Variants in OSBPL3 observed in about 807,000 individuals in gnomAD.
OSBPL3 encodes the protein oxysterol binding protein like 3.
A neutral mutation model predicts 120.1 loss-of-function variants in OSBPL3; 65 were observed. The ratio of observed to expected loss-of-function variants is 0.54; its 90% confidence interval spans 0.44 to 0.67. The LOEUF is 0.67. Ranked by LOEUF, OSBPL3 falls within the 30% of genes least tolerant of loss-of-function variation. OSBPL3 has a pLI of 0.00. For synonymous variants in OSBPL3, 416 were observed against 402.6 expected, an observed-to-expected ratio of 1.03 and a Z score of -0.40; for missense variants, 1,004 against 1,082.1, an observed-to-expected ratio of 0.93 and a Z score of 1.01.
Position 24,879,809 on chromosome 7 carries a change from C to T in OSBPL3, c.97-7740G>A, listed in dbSNP as rs2128305777. ...TAAAAACACTTCAATGTACATATGA[C>T]TATTTCCACGCTGTTGATCACTCAC... On this transcript the variant is annotated intron_variant, in intron 2 of 22. Transcript: ENST00000313367. The surrounding 1 kb of genome is among the most constrained non-coding windows in gnomAD (Gnocchi z 5.6). 6.6e-6 allele frequency among the ~76,000 whole-genome samples: 1 copy of T among 152,338 alleles called. No individual in the cohort carries two copies. Among genetic ancestry groups the T allele is most frequent in the Admixed American group, 6.5e-5 (1 of 15,304 alleles).
chr7:24,857,814 C>A (rs1201754274), intron 10 of OSBPL3, among the ~76,000 whole-genome samples: 1 of 152,150 alleles, frequency 6.6e-6, no homozygotes, highest in Non-Finnish European at 1.5e-5. Flanking sequence ...TTTTTTGCTG[C>A]AGGACTTCTC....
rs1802307547 is a variant in OSBPL3 at position 24,872,503 on chromosome 7, A to C, written c.97-434T>G. Reference sequence around the variant, plus strand: ...TGTGTGTGTGGTGTTGGGGGAAGGAAGTTGGTTTAAGAATTGGCTGAACAG... The same window carrying C: ...TGTGTGTGTGGTGTTGGGGGAAGGACGTTGGTTTAAGAATTGGCTGAACAG... On this transcript the variant is annotated intron_variant, in intron 2 of 22. Transcript: ENST00000313367. This position sits in a 1 kb window ranked among gnomAD's most constrained non-coding sequence, Gnocchi z 4.1. Among the ~76,000 whole-genome samples, 1 of 141,838 alleles carries C rather than the reference A, an allele frequency of 7.1e-6. No homozygotes were observed. Among genetic ancestry groups the C allele is most frequent in the South Asian group, 2.2e-4 (1 of 4,516 alleles). The allele number at this position is 141,838 out of a possible 152,430, so 93.1% of individuals were successfully genotyped here.
intron 22 of OSBPL3, among the ~76,000 whole-genome samples, chr7:24,800,921 C>T (rs1792242777): frequency 6.7e-6 from 1 of 150,150 alleles, no homozygotes; most frequent in South Asian, 2.1e-4. Context: ...CCAGGTTGTA[C>T]ATAGGAAGTG....
chr7:24,942,757 TCA>T, intron 1 of OSBPL3, among the ~76,000 whole-genome samples: 1 of 152,308 alleles, frequency 6.6e-6, no homozygotes, highest in South Asian at 2.1e-4. Flanking sequence ...GAGCAGCACC[TCA>T]CAGTCAAAAA....
Position 24,972,663 on chromosome 7 carries a change from G to C in OSBPL3, c.-150+7223C>G, listed in dbSNP as rs1423419774. Among the ~76,000 whole-genome samples, 3 of 151,894 alleles carry C rather than the reference G, an allele frequency of 2.0e-5. No homozygotes were observed. In the East Asian group the frequency reaches 5.8e-4, roughly 29 times the overall value. The stretch of plus-strand genomic sequence containing the variant: ...ATCTTAGCGCATGCTTTAATTCTAG[G>C]GAGGCATCTACTTCAAATTTAATAA... On this transcript the variant is annotated intron_variant, in intron 1 of 22. Transcript: ENST00000313367. The surrounding 1 kb of genome is among the most constrained non-coding windows in gnomAD (Gnocchi z 4.3).
At chr7:24,948,874 C>T (rs112921647) in intron 1 of OSBPL3, among the ~76,000 whole-genome samples, 4,365 of 152,180 alleles carry the variant, frequency 0.029, 105 homozygotes, top group Admixed American at 0.085. Flanking sequence ...ATCAGTTGTT[C>T]GTAATAACAA....
chr7:24,892,625 A>C lies in OSBPL3; in HGVS notation c.-149-4T>G. 1 of 1,356,640 alleles carries C rather than the reference A, an allele frequency of 7.4e-7. No homozygotes were observed. 84.0% of individuals were successfully genotyped at this position (1,356,640 alleles called of 1,614,324 possible). On this transcript the variant is annotated splice_region_variant and splice_polypyrimidine_tract_variant and intron_variant, in intron 1 of 22. Transcript: ENST00000313367. Reference sequence around the variant, plus strand: ...GGCCCAAAGGAAACCCTAAAACCTAAAAAAGAGAAATTAGAAAGAAGGTCA... The same window carrying C: ...GGCCCAAAGGAAACCCTAAAACCTACAAAAGAGAAATTAGAAAGAAGGTCA...
At position 24,940,485 on chromosome 7, in the gene OSBPL3, G is replaced by C. The variant is rs1171379017; in HGVS notation, c.-150+39401C>G. Among the ~76,000 whole-genome samples the C allele has an allele frequency of 6.6e-5, 10 of 152,132 alleles. No individual in the cohort carries two copies. The highest frequency in any genetic ancestry group is 2.9e-5 in the Non-Finnish European group (2 of 68,028). On this transcript the variant is annotated intron_variant, in intron 1 of 22. Coordinates refer to ENST00000313367, the MANE Select transcript of OSBPL3 (RefSeq NM_015550.4). The surrounding 1 kb of genome is among the most constrained non-coding windows in gnomAD (Gnocchi z 4.4). ...CAGGCTGAACAGGGTGCAGATCAGG[G>C]AATAAATTCACAATGAGTCTGAAGA...
chr7:24,917,985 G>A (rs1343540008), intron 1 of OSBPL3: 4 of 617,034 alleles, frequency 6.5e-6, no homozygotes, highest in Non-Finnish European at 6.1e-6. Context: ...TCAGCCTGAC[G>A]ATCCTGTCTA....
chr7:24,828,633 A>T (rs13241517), intron 16 of OSBPL3, among the ~76,000 whole-genome samples: 2 of 134,710 alleles, frequency 1.5e-5, no homozygotes, highest in Non-Finnish European at 3.3e-5. Flanking sequence ...AAAAAAAAAA[A>T]AAAGGCATCG....
At chr7:24,980,701 G>A (rs138254420), upstream of OSBPL3, among the ~76,000 whole-genome samples, 224 of 152,006 alleles carry the variant, frequency 1.5e-3, no homozygotes, top group African/African-American at 5.1e-3. Context: ...AGCACTCTAG[G>A]CACGAGATGA....
rs989614024 is a variant in OSBPL3, at chr7:24,964,464, A to G, written c.-150+15422T>C. ...AAACCCATAACCCCAGTCCAATACA[A>G]GAAAATCATCAGACAAATCCCAGTG... On this transcript the variant is annotated intron_variant, in intron 1 of 22. Transcript: ENST00000313367. The surrounding 1 kb of genome is among the most constrained non-coding windows in gnomAD (Gnocchi z 4.2). 1.3e-5 allele frequency among the ~76,000 whole-genome samples: 2 copies of G among 152,246 alleles called. No homozygotes were observed. The highest frequency in any genetic ancestry group is 1.3e-4 in the Admixed American group (2 of 15,288).
Position 24,953,766 on chromosome 7 carries a change from G to A in OSBPL3, c.-150+26120C>T, listed in dbSNP as rs1423610405. 6.6e-6 allele frequency among the ~76,000 whole-genome samples: 1 copy of A among 152,142 alleles called. No homozygotes were observed. Among genetic ancestry groups the A allele is most frequent in the Non-Finnish European group, 1.5e-5 (1 of 68,036 alleles). On this transcript the variant is annotated intron_variant, in intron 1 of 22. Transcript: ENST00000313367. The surrounding 1 kb of genome is among the most constrained non-coding windows in gnomAD (Gnocchi z 4.3). ...TCACTTAGATCAAGGCACAACTGGA[G>A]CTCCATTTAATAAATGGTCAATGCC...
Position 24,872,446 on chromosome 7 carries a change from AGAGT to A in OSBPL3, c.97-381_97-378del, listed in dbSNP as rs1554382403. Reference sequence around the variant, plus strand: ...CTTCAGTCTGAATTTTAACCGAAAGAGAGTGTGTGTGTGTGTGTGTGTGTGTGTG... The same window carrying A: ...CTTCAGTCTGAATTTTAACCGAAAGAGTGTGTGTGTGTGTGTGTGTGTGTG... On this transcript the variant is annotated intron_variant, in intron 2 of 22. Transcript: ENST00000313367. The surrounding 1 kb of genome is among the most constrained non-coding windows in gnomAD (Gnocchi z 4.1). Among the ~76,000 whole-genome samples the A allele has an allele frequency of 7.2e-5, 6 of 83,390 alleles. No individual in the cohort carries two copies. The highest frequency in any genetic ancestry group is 2.7e-4 in the African/African-American group (6 of 22,382). The allele number at this position is 83,390 out of a possible 152,430, so 54.7% of individuals were successfully genotyped here.
In OSBPL3 at chr7:24,871,376, ACTT is replaced by A. The variant is rs1428907521; in HGVS notation, c.267+363_267+365del. Among the ~76,000 whole-genome samples, 7 of 152,096 alleles carry A rather than the reference ACTT, an allele frequency of 4.6e-5. No individual in the cohort carries two copies. The highest frequency in any genetic ancestry group is 8.8e-5 in the Non-Finnish European group (6 of 68,008). On this transcript the variant is annotated intron_variant, in intron 4 of 22. Transcript: ENST00000313367. The surrounding 1 kb of genome is among the most constrained non-coding windows in gnomAD (Gnocchi z 4.8). ...CTGCCTGGGATTAATTTGAAAAGGA[ACTT>A]CTTCACCCAGGGGCTTCTCCCCGGA...
At position 24,852,581 on chromosome 7, in the gene OSBPL3, G is replaced by C. The variant is rs774766527; in HGVS notation, c.1081C>G (p.Leu361Val). 1 of 1,610,266 alleles carries C rather than the reference G, an allele frequency of 6.2e-7. No individual in the cohort carries two copies. The highest frequency in any genetic ancestry group is 1.1e-5 in the South Asian group (1 of 90,412). The change falls in exon 11 of 23, where the codon CTG becomes GTG. Residue 361 changes from leucine to valine, a missense_variant. Around this residue, in one of 4 missense-constraint regions of OSBPL3, gnomAD observed 272 missense variants for 248.8 expected, o/e 1.09. Transcript: ENST00000313367. The surrounding 1 kb of genome is among the most constrained non-coding windows in gnomAD (Gnocchi z 4.1). Reference sequence around the variant, plus strand: ...GCATCCTGCTCCATCAGCTGCTTCAGTTTCTCTCTCTCCGCTGACATGATA... The same window carrying C: ...GCATCCTGCTCCATCAGCTGCTTCACTTTCTCTCTCTCCGCTGACATGATA... ...FNIMSAEREK[L>V]KQLMEQDASS...
Position 24,803,501 on chromosome 7 carries a change from G to T in OSBPL3, c.2567+814C>A, listed in dbSNP as rs1792631740. The stretch of plus-strand genomic sequence containing the variant: ...CTCCTTTAAAAATTTATATCTATTG[G>T]CTGGGCACGGTGGCTCTTACCTGTA... On this transcript the variant is annotated intron_variant, in intron 22 of 22. Coordinates refer to ENST00000313367, the MANE Select transcript of OSBPL3 (RefSeq NM_015550.4). This position sits in a 1 kb window ranked among gnomAD's most constrained non-coding sequence, Gnocchi z 4.2. 6.6e-6 allele frequency among the ~76,000 whole-genome samples: 1 copy of T among 152,086 alleles called. No individual in the cohort carries two copies. The highest frequency in any genetic ancestry group is 1.5e-5 in the Non-Finnish European group (1 of 68,014).
Position 24,966,589 on chromosome 7 carries a change from T to TGTTTAGGCCA in OSBPL3, c.-150+13287_-150+13296dup, listed in dbSNP as rs879348374. The stretch of plus-strand genomic sequence containing the variant: ...GCCAGGCAGTCCTTTTTCTGAGCCA[T>TGTTTAGGCCA]GTTTAGGCCAAAGTCTTTCCTTTTT... On this transcript the variant is annotated intron_variant, in intron 1 of 22. Coordinates refer to ENST00000313367, the MANE Select transcript of OSBPL3 (RefSeq NM_015550.4). This position sits in a 1 kb window ranked among gnomAD's most constrained non-coding sequence, Gnocchi z 4.8. 1.9e-4 allele frequency among the ~76,000 whole-genome samples: 29 copies of TGTTTAGGCCA among 152,308 alleles called. 4 individuals carry two copies. The highest frequency in any genetic ancestry group is 1.7e-3 in the South Asian group (8 of 4,826).
intron 1 of OSBPL3, among the ~76,000 whole-genome samples, chr7:24,951,707 A>G (rs1044356611): frequency 2.6e-5 from 4 of 152,184 alleles, no homozygotes; most frequent in African/African-American, 9.7e-5. Flanking sequence ...TTGTTCTTCC[A>G]TGTAAGGGCT....
Sources: allele counts gnomAD v4.1 joint callset (sites outside exome capture counted in the v4.1 genomes callset), GRCh38; gene constraint gnomAD v4.1.1; regional missense constraint gnomAD v4.1.1; non-coding constraint Gnocchi (gnomAD v3.1); transcripts MANE v1.5; gene names NCBI Gene and HGNC (gene_info 2026-07-23, HGNC 2026-07-21).